The following CDH12 variants were observed in gnomAD, a reference collection of about 807,000 sequenced individuals.
CDH12 encodes cadherin-12.
A neutral mutation model predicts 74.1 loss-of-function variants in CDH12; 41 were observed. The observed-to-expected ratio is 0.55, with a 90% CI of 0.43 to 0.72. The LOEUF (loss-of-function observed/expected upper bound fraction) is 0.72, where lower values mean the gene tolerates loss of function less well. Ranked by LOEUF, CDH12 falls within the 30% of genes least tolerant of loss-of-function variation. The pLI is 0.00. For synonymous variants in CDH12, 399 were observed against 355.0 expected (o/e 1.12, Z -1.39); for missense variants, 945 against 977.2 (o/e 0.97, Z 0.44).
At chr5:22,425,081 G>T (rs547699906) in intron 2 of CDH12, among the ~76,000 whole-genome samples, 9,932 of 118,134 alleles carry the variant, frequency 0.084, 603 homozygotes, top group African/African-American at 0.23. Context: ...TATATATAGA[G>T]AGAGAGAGAG....
At chr5:22,382,228 T>C (rs1429075925) in intron 3 of CDH12, among the ~76,000 whole-genome samples, 3 of 146,342 alleles carry the variant, frequency 2.0e-5, no homozygotes, top group Non-Finnish European at 4.5e-5. Flanking sequence ...TATATAATAT[T>C]TTATATATTA....
At chr5:21,972,536 T>A (rs1248970603) in intron 6 of CDH12, among the ~76,000 whole-genome samples, 1 of 152,154 alleles carries the variant, frequency 6.6e-6, no homozygotes, top group African/African-American at 2.4e-5. Flanking sequence ...CAGTGAACTA[T>A]TTCCACCTGG....
chr5:22,492,709 T>C (rs184122831), intron 2 of CDH12, among the ~76,000 whole-genome samples: 31 of 152,280 alleles, frequency 2.0e-4, no homozygotes, highest in South Asian at 6.2e-4. Context: ...GCAGTTCTTA[T>C]ATTGGCTTTA....
chr5:22,239,355 T>C (rs981597811), intron 3 of CDH12, among the ~76,000 whole-genome samples: 17 of 152,146 alleles, frequency 1.1e-4, no homozygotes, highest in African/African-American at 4.8e-5. Flanking sequence ...TTGAGAGATA[T>C]GTATTGATAA....
chr5:22,596,269 C>A lies in CDH12; in HGVS notation c.-522-90905G>T, dbSNP rs183281061. ...CCTGGCCAACATGAGGAAACCCCAT[C>A]TCTACGAAAAATACAAAAAAAATTA... On this transcript the variant is annotated intron_variant, in intron 1 of 14. Coordinates refer to ENST00000382254, the MANE Select transcript of CDH12 (RefSeq NM_004061.5). Among the ~76,000 whole-genome samples, 438 of 151,406 alleles carry A rather than the reference C, an allele frequency of 2.9e-3. 2 individuals are homozygous for A. The Middle Eastern group carries it at 0.034, about 12-fold the overall frequency.
chr5:22,755,592 T>A (rs762929727), intron 1 of CDH12, among the ~76,000 whole-genome samples: 2 of 152,152 alleles, frequency 1.3e-5, no homozygotes, highest in Non-Finnish European at 2.9e-5. Flanking sequence ...TATGTAAGAA[T>A]TCATACAACA....
intron 3 of CDH12, among the ~76,000 whole-genome samples, chr5:22,379,522 T>C (rs1741671277): frequency 6.6e-6 from 1 of 152,180 alleles, no homozygotes; most frequent in Non-Finnish European, 1.5e-5. Flanking sequence ...TAATGATATC[T>C]GTGAAATAAG....
chr5:22,441,318 T>C (rs1397971647), intron 2 of CDH12, among the ~76,000 whole-genome samples: 1 of 152,134 alleles, frequency 6.6e-6, no homozygotes, highest in African/African-American at 2.4e-5. Flanking sequence ...TTAAAACCAA[T>C]AGATGGACAA....
chr5:22,759,218 AC>A (rs1206537749), intron 1 of CDH12, among the ~76,000 whole-genome samples: 1 of 152,208 alleles, frequency 6.6e-6, no homozygotes, highest in East Asian at 1.9e-4. Context: ...ACAAAAAAAA[AC>A]TTAGATTGAT....
chr5:22,796,645 A>G lies in CDH12; in HGVS notation c.-523+56413T>C, dbSNP rs1398406322. Among the ~76,000 whole-genome samples, 4 of 126,106 alleles carry G rather than the reference A, an allele frequency of 3.2e-5. No individual in the cohort carries two copies. The East Asian group carries it at 7.2e-4, about 23-fold the overall frequency. The allele number at this position is 126,106 out of a possible 152,430, so 82.7% of individuals were successfully genotyped here. A position where few individuals can be genotyped will look rare whatever the true frequency, so the allele number is the denominator to read the frequency against. ...CGCCATTCTCCTGCCTCAGCCTCCCAAGTAGCTGGGACTACAGGCGCCCGC... is the reference window on the plus strand; with the variant it reads ...CGCCATTCTCCTGCCTCAGCCTCCCGAGTAGCTGGGACTACAGGCGCCCGC... On this transcript the variant is annotated intron_variant, in intron 1 of 14. Transcript: ENST00000382254.
intron 2 of CDH12, 28 bp downstream of exon 2, chr5:22,505,242 A>G: frequency 1.3e-6 from 1 of 764,910 alleles, no homozygotes; most frequent in Non-Finnish European, 1.6e-6. Context: ...GTAAAAGCAT[A>G]TATCTTGATA....
intron 13 of CDH12, among the ~76,000 whole-genome samples, chr5:21,756,432 T>C (rs1744400198): frequency 6.6e-6 from 1 of 152,168 alleles, no homozygotes; most frequent in African/African-American, 2.4e-5. Context: ...TGTAAACACC[T>C]TGAACTATAA....
At chr5:22,314,351 TA>T (rs773278820) in intron 3 of CDH12, among the ~76,000 whole-genome samples, 41 of 152,132 alleles carry the variant, frequency 2.7e-4, no homozygotes, top group Non-Finnish European at 5.4e-4. Flanking sequence ...GTAATTCAGT[TA>T]AAAATGGGGC....
At chr5:22,839,923 A>G (rs182870875) in intron 1 of CDH12, among the ~76,000 whole-genome samples, 46 of 152,290 alleles carry the variant, frequency 3.0e-4, no homozygotes, top group Non-Finnish European at 4.0e-4. Flanking sequence ...AGGAGTCTTT[A>G]TAAACAATAA....
intron 4 of CDH12, among the ~76,000 whole-genome samples, chr5:22,129,720 G>C (rs1242231529): frequency 6.6e-6 from 1 of 151,890 alleles, no homozygotes; most frequent in Non-Finnish European, 1.5e-5. Context: ...TTTTCTCATA[G>C]ATATAGAAAA....
chr5:22,019,307 T>C (rs1012202236), intron 5 of CDH12, among the ~76,000 whole-genome samples: 1 of 152,160 alleles, frequency 6.6e-6, no homozygotes, highest in African/African-American at 2.4e-5. Context: ...TACTTAAGAA[T>C]TTTTAGGCAT....
chr5:21,831,390 A>G (rs572584281), intron 8 of CDH12, among the ~76,000 whole-genome samples: 2 of 152,270 alleles, frequency 1.3e-5, no homozygotes, highest in Admixed American at 6.5e-5. Context: ...GAACCTACTC[A>G]TACGGATTAA....
chr5:22,570,671 G>A (rs1458359248), intron 1 of CDH12, among the ~76,000 whole-genome samples: 1 of 151,372 alleles, frequency 6.6e-6, no homozygotes, highest in Non-Finnish European at 1.5e-5. Flanking sequence ...TCTTAAGGGT[G>A]AATTTGAAAT....
At chr5:22,449,629 C>A (rs1175487049) in intron 2 of CDH12, among the ~76,000 whole-genome samples, 4 of 151,936 alleles carry the variant, frequency 2.6e-5, no homozygotes, top group Non-Finnish European at 5.9e-5. Flanking sequence ...TTGTTATATT[C>A]AAATGAGACA....
Sources: gnomAD v4.1 joint callset for allele counts (sites outside exome capture counted in the v4.1 genomes callset) on GRCh38, gnomAD v4.1.1 for gene constraint, MANE v1.5 for transcripts, NCBI Gene and HGNC (gene_info 2026-07-23, HGNC 2026-07-21) for gene names.